The following CACNA1I variants were observed in gnomAD, a reference collection of about 807,000 sequenced individuals.
The protein encoded by CACNA1I is calcium voltage-gated channel subunit alpha1 I.
In CACNA1I, 74 loss-of-function variants were observed where a neutral mutation model predicts 201.6. The ratio of observed to expected loss-of-function variants is 0.37; its 90% CI spans 0.30 to 0.45. The LOEUF (loss-of-function observed/expected upper bound fraction) is 0.45, where lower values mean the gene tolerates loss of function less well. CACNA1I is among the 20% of genes least tolerant of loss of function. The pLI is 1.00. For synonymous variants in CACNA1I, 1,431 were observed against 1,345.2 expected, an observed-to-expected ratio of 1.06 and a Z score of -1.40; for missense variants, 2,346 against 3,138.1, an observed-to-expected ratio of 0.75 and a Z score of 6.03.
Position 39,677,444 on chromosome 22 carries a change from G to T in CACNA1I, c.4933+25G>T, listed in dbSNP as rs763480894. 6.7e-7 allele frequency: 1 copy of T among 1,487,134 alleles called. No individual in the cohort carries two copies. The highest frequency in any genetic ancestry group is 9.0e-7 in the Non-Finnish European group (1 of 1,106,040). The allele number at this position is 1,487,134 out of a possible 1,614,324, so 92.1% of individuals were successfully genotyped here. ...GGTGAGTGACTCCCAGAGCAGGCCCGTGGTGGGGGTGCAGCAGGGCTGCAG... is the reference window on the plus strand; with the variant it reads ...GGTGAGTGACTCCCAGAGCAGGCCCTTGGTGGGGGTGCAGCAGGGCTGCAG... On this transcript the variant is annotated intron_variant, in intron 30 of 36. Coordinates refer to ENST00000402142, the MANE Select transcript of CACNA1I (RefSeq NM_021096.4). The surrounding 1 kb of genome is among the most constrained non-coding windows in gnomAD (Gnocchi z 4.8).
intron 16 of CACNA1I, 26 bp downstream of exon 16, chr22:39,661,336 C>T (rs751008143): frequency 3.5e-5 from 52 of 1,504,388 alleles, no homozygotes; most frequent in Middle Eastern, 2.0e-4. Flanking sequence ...GAGCTCTGGA[C>T]GGGCGCTTCC....
At chr22:39,664,980 AC>A in intron 21 of CACNA1I, 57 bp downstream of exon 21, 1 of 1,548,642 alleles carries the variant, frequency 6.5e-7, no homozygotes, top group South Asian at 1.1e-5. Flanking sequence ...CCGAGAAGCC[AC>A]GGGTCGAATT....
In CACNA1I at chr22:39,683,706, C is replaced by T. The variant is rs1217451768; in HGVS notation, c.5831-596C>T. Reference sequence around the variant, plus strand: ...GGGCAGAGGCTGCTGCTACCCCCCACGCCCCCCACACCCAGACCTGCCCCA... The same window carrying T: ...GGGCAGAGGCTGCTGCTACCCCCCATGCCCCCCACACCCAGACCTGCCCCA... On this transcript the variant is annotated intron_variant, in intron 35 of 36. Coordinates refer to ENST00000402142, the MANE Select transcript of CACNA1I (RefSeq NM_021096.4). 4.1e-5 allele frequency among the ~76,000 whole-genome samples: 6 copies of T among 146,104 alleles called. No homozygotes were observed. In the South Asian group the frequency reaches 6.5e-4, roughly 16 times the overall value.
At chr22:39,617,439 G>A (rs1483463410) in intron 3 of CACNA1I, among the ~76,000 whole-genome samples, 10 of 151,758 alleles carry the variant, frequency 6.6e-5, no homozygotes, top group Admixed American at 3.3e-4. Context: ...AGGATCTGGA[G>A]AACCAAGGCA....
chr22:39,666,085 T>A lies in CACNA1I; in HGVS notation c.4104+79T>A, dbSNP rs960926229. 6 of 1,518,516 alleles carry A rather than the reference T, an allele frequency of 4.0e-6. No individual in the cohort carries two copies. Among genetic ancestry groups the A allele is most frequent in the Non-Finnish European group, 5.4e-6 (6 of 1,117,022 alleles). 94.1% of individuals were successfully genotyped at this position (1,518,516 alleles called of 1,614,324 possible). ...TGGCTCTGGGAATCACAGACCTGGC[T>A]TGTCTTGCACTGCCAGGACTGACAC... On this transcript the variant is annotated intron_variant, in intron 23 of 36. Coordinates refer to ENST00000402142, the MANE Select transcript of CACNA1I (RefSeq NM_021096.4). This position sits in a 1 kb window ranked among gnomAD's most constrained non-coding sequence, Gnocchi z 4.1.
intron 4 of CACNA1I, among the ~76,000 whole-genome samples, chr22:39,627,314 A>T (rs1323592447): frequency 6.6e-6 from 1 of 152,160 alleles, no homozygotes; most frequent in Non-Finnish European, 1.5e-5. Flanking sequence ...CGTGGTGCTG[A>T]TCCCCTTTCG....
In CACNA1I at chr22:39,662,428, T is replaced by A; in HGVS notation, c.3365T>A (p.Ile1122Asn). The A allele has an allele frequency of 6.9e-7, 1 of 1,441,840 alleles. No individual in the cohort carries two copies. The highest frequency in any genetic ancestry group is 1.5e-5 in the African/African-American group (1 of 66,724). The allele number at this position is 1,441,840 out of a possible 1,614,324, so 89.3% of individuals were successfully genotyped here. The change falls in exon 17 of 37, where the codon ATC becomes AAC. Residue 1122 changes from isoleucine to asparagine, a missense_variant. Transcript: ENST00000402142. Reference sequence around the variant, plus strand: ...GATCGCGGGGAGGATGAGGAGGAAATCGACTACGTGAGTGGGGGCGGGGCC... The same window carrying A: ...GATCGCGGGGAGGATGAGGAGGAAAACGACTACGTGAGTGGGGGCGGGGCC... Reference protein sequence around the residue: ...RGDRGEDEEEIDYTLCFRVRK... With the variant: ...RGDRGEDEEENDYTLCFRVRK...
intron 4 of CACNA1I, among the ~76,000 whole-genome samples, chr22:39,622,614 G>A (rs1933780465): frequency 6.7e-6 from 1 of 149,846 alleles, no homozygotes; most frequent in Admixed American, 6.6e-5. Flanking sequence ...GGGCGGTGGG[G>A]GGGGCAGTGG....
intron 8 of CACNA1I, among the ~76,000 whole-genome samples, chr22:39,647,604 G>A (rs988991242): frequency 2.0e-5 from 3 of 152,002 alleles, no homozygotes; most frequent in Middle Eastern, 3.4e-3. Context: ...TTGTAAAGAC[G>A]GGTCTCCCTA....
Position 39,684,561 on chromosome 22 carries a change from G to A in CACNA1I, c.6027+63G>A, listed in dbSNP as rs756554446. The A allele has an allele frequency of 6.5e-7, 1 of 1,543,972 alleles. No homozygotes were observed. Among genetic ancestry groups the A allele is most frequent in the Non-Finnish European group, 8.8e-7 (1 of 1,132,100 alleles). ...GGGCAAGGGGCAGGATCTAAGCCAGGCCTGGAAGTCCAAGGGACTGGGAGG... is the reference window on the plus strand; with the variant it reads ...GGGCAAGGGGCAGGATCTAAGCCAGACCTGGAAGTCCAAGGGACTGGGAGG... On this transcript the variant is annotated intron_variant, in intron 36 of 36. Transcript: ENST00000402142. This position sits in a 1 kb window ranked among gnomAD's most constrained non-coding sequence, Gnocchi z 4.6.
intron 1 of CACNA1I, among the ~76,000 whole-genome samples, chr22:39,576,789 G>A (rs1302114277): frequency 6.6e-6 from 1 of 152,094 alleles, no homozygotes; most frequent in Non-Finnish European, 1.5e-5. Flanking sequence ...CCCATTTCCC[G>A]GCCGCCCTCC....
chr22:39,589,765 T>C (rs1377645243), intron 1 of CACNA1I, among the ~76,000 whole-genome samples: 1 of 152,188 alleles, frequency 6.6e-6, no homozygotes, highest in South Asian at 2.1e-4. Context: ...TTGGGTTCAC[T>C]GGGGACCAGC....
At chr22:39,657,640 G>C (rs892427500) in intron 10 of CACNA1I, among the ~76,000 whole-genome samples, 1 of 152,220 alleles carries the variant, frequency 6.6e-6, no homozygotes, top group African/African-American at 2.4e-5. Flanking sequence ...CTGGCGTCCT[G>C]TGAACCCGTG....
In CACNA1I at chr22:39,686,174, C is replaced by T. The variant is rs1935867304; in HGVS notation, c.6441C>T (p.Leu2147=). 2 of 1,287,484 alleles carry T rather than the reference C, an allele frequency of 1.6e-6. No individual in the cohort carries two copies. Among genetic ancestry groups the T allele is most frequent in the East Asian group, 3.3e-5 (1 of 30,196 alleles). 79.8% of individuals were successfully genotyped at this position (1,287,484 alleles called of 1,614,324 possible). A position where few individuals can be genotyped will look rare whatever the true frequency, so the allele number is the denominator to read the frequency against. The part of the protein sequence containing the change: ...CPPPPPPAPG[L]TPARKFSSTS... ...CGCCCCCGCCGCCAGCCCCCGGCCT[C>T]ACGCCCGCCAGGAAGTTCAGCAGCA... Residue 2147 remains leucine, a synonymous_variant, in exon 37 of 37, where the codon CTC becomes CTT. Coordinates refer to ENST00000402142, the MANE Select transcript of CACNA1I (RefSeq NM_021096.4).
chr22:39,573,861 C>T (rs1204859595), intron 1 of CACNA1I, among the ~76,000 whole-genome samples: 3 of 152,142 alleles, frequency 2.0e-5, no homozygotes, highest in African/African-American at 4.8e-5. Flanking sequence ...GGGCCTGCCT[C>T]TTGTCTGTCT....
chr22:39,623,009 G>C (rs1204334362), intron 4 of CACNA1I, among the ~76,000 whole-genome samples: 3 of 152,236 alleles, frequency 2.0e-5, no homozygotes, highest in Non-Finnish European at 4.4e-5. Flanking sequence ...ATGTTTGTAC[G>C]TGATCTTGAT....
At chr22:39,623,085 C>T (rs1426611116) in intron 4 of CACNA1I, among the ~76,000 whole-genome samples, 4 of 152,226 alleles carry the variant, frequency 2.6e-5, no homozygotes, top group African/African-American at 7.2e-5. Context: ...ACCGCTGAGG[C>T]TGCAGGCGGG....
chr22:39,665,561 C>A lies in CACNA1I; in HGVS notation c.3915C>A (p.Pro1305=). 1 of 1,613,888 alleles carries A rather than the reference C, an allele frequency of 6.2e-7. No individual in the cohort carries two copies. Among genetic ancestry groups the A allele is most frequent in the Non-Finnish European group, 8.5e-7 (1 of 1,179,826 alleles). The part of the protein sequence containing the change: ...VVETLISSLK[P]IGNIVLICCA... ...AGACACTCATCTCCTCCCTCAAGCCCATCGGCAACATCGTGCTCATCTGCT... is the reference window on the plus strand; with the variant it reads ...AGACACTCATCTCCTCCCTCAAGCCAATCGGCAACATCGTGCTCATCTGCT... Residue 1305 remains proline (P), a synonymous_variant, in exon 22 of 37, where the codon CCC becomes CCA. Coordinates refer to ENST00000402142, the MANE Select transcript of CACNA1I (RefSeq NM_021096.4). The surrounding 1 kb of genome is among the most constrained non-coding windows in gnomAD (Gnocchi z 5.5).
At position 39,673,011 on chromosome 22, in the gene CACNA1I, T is replaced by C; in HGVS notation, c.4712T>C (p.Ile1571Thr). 6.2e-7 allele frequency: 1 copy of C among 1,613,730 alleles called. No individual in the cohort carries two copies. The highest frequency in any genetic ancestry group is 8.5e-7 in the Non-Finnish European group (1 of 1,179,798). ...LSVMGITLEE[I>T]EINAALPINP... ...GTCATGGGCATCACCCTGGAGGAGATCGAGATCAATGCGGCCCTGCCCATC... is the reference window on the plus strand; with the variant it reads ...GTCATGGGCATCACCCTGGAGGAGACCGAGATCAATGCGGCCCTGCCCATC... The change falls in exon 28 of 37, where the codon ATC becomes ACC. Residue 1571 changes from isoleucine to threonine, a missense_variant. Transcript: ENST00000402142.
Sources: gnomAD v4.1 joint callset for allele counts (sites outside exome capture counted in the v4.1 genomes callset) on GRCh38, gnomAD v4.1.1 for gene constraint, Gnocchi (gnomAD v3.1) non-coding constraint, MANE v1.5 for transcripts, NCBI Gene and HGNC (gene_info 2026-07-23, HGNC 2026-07-21) for gene names.